SLX4IP: variants seen among roughly 807,000 people sequenced by gnomAD.
SLX4IP encodes the protein SLX4 interacting protein.
SLX4IP carries 34 observed loss-of-function variants against 32.9 expected under a neutral mutation model. That is an observed-to-expected ratio of 1.03 (90% CI 0.79 to 1.38). SLX4IP has a LOEUF of 1.38. SLX4IP is among the 40% of genes most tolerant of loss of function. The probability of loss-of-function intolerance (pLI) is 0.00; values close to 1 mark genes in which losing one functional copy is unlikely to be tolerated. For synonymous variants in SLX4IP, 172 were observed against 171.7 expected (o/e 1.00, Z -0.01); for missense variants, 444 against 479.0 (o/e 0.93, Z 0.68).
chr20:10,478,127 G>A (rs1047184961), intron 2 of SLX4IP, among the ~76,000 whole-genome samples: 2 of 151,974 alleles, frequency 1.3e-5, no homozygotes, highest in African/African-American at 4.8e-5. Flanking sequence ...TTGAACTCCT[G>A]AGCTCAGGCA....
intron 4 of SLX4IP, among the ~76,000 whole-genome samples, chr20:10,561,779 A>T (rs189560778): frequency 6.6e-6 from 1 of 152,110 alleles, no homozygotes; most frequent in Non-Finnish European, 1.5e-5. Context: ...GAGTTACTTC[A>T]CTTAGAATAA....
intron 1 of SLX4IP, among the ~76,000 whole-genome samples, chr20:10,445,182 T>C (rs6108580): frequency 0.49 from 74,497 of 151,860 alleles, 19,747 homozygotes; most frequent in Non-Finnish European, 0.6. Flanking sequence ...ACAGAAGGGA[T>C]GAGAAGCTCT....
chr20:10,609,957 G>GT (rs1600153667), intron 6 of SLX4IP, among the ~76,000 whole-genome samples: 1 of 151,902 alleles, frequency 6.6e-6, no homozygotes, highest in Non-Finnish European at 1.5e-5. Context: ...GTATTTTTAT[G>GT]TTTTTTTCTG....
At chr20:10,520,761 T>A (rs2065895577) in intron 2 of SLX4IP, among the ~76,000 whole-genome samples, 1 of 152,240 alleles carries the variant, frequency 6.6e-6, no homozygotes, top group Admixed American at 6.5e-5. Flanking sequence ...ACCATCTGTA[T>A]GAACATATGT....
At chr20:10,556,360 C>A in intron 3 of SLX4IP, 40 bp downstream of exon 3, 1 of 1,554,652 alleles carries the variant, frequency 6.4e-7, no homozygotes, top group Non-Finnish European at 8.8e-7. Context: ...CAAGTAGCTG[C>A]TGCTGCTATA....
At chr20:10,501,814 T>A (rs1275723832) in intron 2 of SLX4IP, among the ~76,000 whole-genome samples, 2 of 152,260 alleles carry the variant, frequency 1.3e-5, no homozygotes, top group African/African-American at 4.8e-5. Flanking sequence ...TTCATTTTCT[T>A]CCGAGACGCA....
At chr20:10,480,256 A>T (rs2065510146) in intron 2 of SLX4IP, among the ~76,000 whole-genome samples, 1 of 152,050 alleles carries the variant, frequency 6.6e-6, no homozygotes, top group South Asian at 2.1e-4. Flanking sequence ...TTAACCAGGC[A>T]TGGTGGCATG....
intron 5 of SLX4IP, among the ~76,000 whole-genome samples, chr20:10,599,350 A>G (rs1156821520): frequency 6.6e-6 from 1 of 152,228 alleles, no homozygotes. Flanking sequence ...ATTAACATAT[A>G]GAGGCTTGCT....
chr20:10,512,776 C>CTATATATATATATA (rs769874841), intron 2 of SLX4IP, among the ~76,000 whole-genome samples: 20 of 114,688 alleles, frequency 1.7e-4, no homozygotes, highest in Non-Finnish European at 2.5e-4. Context: ...CACACACACA[C>CTATATATATATATA]TCTATATATA....
At chr20:10,534,893 A>G (rs1384232729) in intron 2 of SLX4IP, among the ~76,000 whole-genome samples, 3 of 152,216 alleles carry the variant, frequency 2.0e-5, no homozygotes, top group South Asian at 4.1e-4. Flanking sequence ...AGGGGGAGCT[A>G]TTAATAATTA....
rs1279601913 is a variant in SLX4IP, at chr20:10,622,773, T to C, written c.621T>C (p.Asp207=). ...VIAEIARRRN[D]GQASSSPPSE... is the part of the protein sequence containing the mutation. ...CAGAGATAGCAAGGAGGAGGAATGA[T>C]GGTCAGGCTTCCTCCAGTCCCCCAT... Residue 207 remains aspartate (D), a synonymous_variant, in exon 8 of 8, where the codon GAT becomes GAC. Coordinates refer to ENST00000334534, the MANE Select transcript of SLX4IP (RefSeq NM_001009608.3). 3 of 1,614,076 alleles carry C rather than the reference T, an allele frequency of 1.9e-6. No homozygotes were observed. The highest frequency in any genetic ancestry group is 1.3e-5 in the African/African-American group (1 of 74,938).
intron 2 of SLX4IP, among the ~76,000 whole-genome samples, chr20:10,461,415 C>T (rs1281073195): frequency 6.6e-6 from 1 of 152,246 alleles, no homozygotes; most frequent in Admixed American, 6.5e-5. Context: ...GAGTATCAGG[C>T]TAGCATAATA....
intron 2 of SLX4IP, among the ~76,000 whole-genome samples, chr20:10,538,387 C>G (rs1210235171): frequency 5.3e-5 from 8 of 152,114 alleles, no homozygotes; most frequent in Non-Finnish European, 7.4e-5. Context: ...CAGCAGTATT[C>G]CTGGAGTCTA....
At chr20:10,498,483 G>A (rs2065688628) in intron 2 of SLX4IP, among the ~76,000 whole-genome samples, 1 of 152,012 alleles carries the variant, frequency 6.6e-6, no homozygotes, top group Non-Finnish European at 1.5e-5. Context: ...TATCTACCCT[G>A]CCTCCTGCTT....
intron 2 of SLX4IP, among the ~76,000 whole-genome samples, chr20:10,542,659 C>A (rs544901554): frequency 4.3e-4 from 66 of 152,326 alleles, no homozygotes; most frequent in South Asian, 3.7e-3. Context: ...TCATTTACAG[C>A]GATGGCACTC....
At chr20:10,589,687 T>A (rs1462857366) in intron 4 of SLX4IP, among the ~76,000 whole-genome samples, 1 of 152,168 alleles carries the variant, frequency 6.6e-6, no homozygotes, top group African/African-American at 2.4e-5. Flanking sequence ...ACAAAGTCAA[T>A]GTTCATAGTA....
intron 2 of SLX4IP, among the ~76,000 whole-genome samples, chr20:10,471,014 G>A (rs1191882982): frequency 1.3e-5 from 2 of 152,178 alleles, no homozygotes; most frequent in Non-Finnish European, 2.9e-5. Flanking sequence ...CTATAAGGTA[G>A]GATTAACAGC....
At chr20:10,439,235 G>C (rs890214533) in intron 1 of SLX4IP, among the ~76,000 whole-genome samples, 8 of 150,924 alleles carry the variant, frequency 5.3e-5, no homozygotes, top group African/African-American at 1.7e-4. Context: ...ATTTTTTTGA[G>C]ACTGGGTCCC....
chr20:10,577,169 A>G (rs1461443525), intron 4 of SLX4IP, among the ~76,000 whole-genome samples: 1 of 152,212 alleles, frequency 6.6e-6, no homozygotes, highest in Non-Finnish European at 1.5e-5. Context: ...CCTTCAAGGT[A>G]GTGTGAACTT....
Sources: allele counts gnomAD v4.1 joint callset (sites outside exome capture counted in the v4.1 genomes callset), GRCh38; gene constraint gnomAD v4.1.1; transcripts MANE v1.5; gene names NCBI Gene and HGNC (gene_info 2026-07-23, HGNC 2026-07-21).